ADGRE2: variants seen among roughly 807,000 people sequenced by gnomAD.
ADGRE2 encodes the protein CD97 antigen.
In ADGRE2, 83 loss-of-function variants were observed where a neutral mutation model predicts 100.8. The observed-to-expected ratio is 0.82, with a 90% CI of 0.69 to 0.99. The LOEUF (loss-of-function observed/expected upper bound fraction) is 0.99. ADGRE2 is among the 50% of genes least tolerant of loss of function. The pLI, the probability that ADGRE2 is intolerant of heterozygous loss-of-function variation, is 0.00. For synonymous variants in ADGRE2, 355 were observed against 413.0 expected (o/e 0.86, Z 1.70); for missense variants, 814 against 1,035.7 (o/e 0.79, Z 2.94).
In ADGRE2 at chr19:14,754,937, C is replaced by T. The variant is rs114395084; in HGVS notation, c.1590+17G>A. On this transcript the variant is annotated intron_variant, in intron 14 of 20. Transcript: ENST00000315576. The stretch of plus-strand genomic sequence containing the variant: ...ACGGCAATAAATGCAGAGTGCATCC[C>T]CTCCTAAGGGTCTCACCTGCACATC... 2 of 1,610,108 alleles carry T rather than the reference C, an allele frequency of 1.2e-6. No homozygotes were observed.
Position 14,752,534 on chromosome 19 carries a change from C to G in ADGRE2, c.1591-8G>C. On this transcript the variant is annotated splice_region_variant and splice_polypyrimidine_tract_variant and intron_variant, in intron 14 of 20. Coordinates refer to ENST00000315576, the MANE Select transcript of ADGRE2 (RefSeq NM_013447.4). ...CAGCACGGGATCCTCCTCCTGGGAC[C>G]CGGAAAAGAAGAGTTCACAGTGATG... The G allele has an allele frequency of 6.2e-7, 1 of 1,613,454 alleles. No homozygotes were observed. Among genetic ancestry groups the G allele is most frequent in the Non-Finnish European group, 8.5e-7 (1 of 1,179,708 alleles).
rs1240591644 is a variant in ADGRE2, at chr19:14,732,812, T to C, written c.*3424A>G. On this transcript the variant is annotated 3_prime_UTR_variant, in exon 21 of 21. Transcript: ENST00000315576. The stretch of plus-strand genomic sequence containing the variant: ...GTTCAAGTTCAGTGTCTGTAAAGTT[T>C]TATTAAAACATAGCCATGATCATTC... 1.3e-5 allele frequency: 2 copies of C among 152,258 alleles called. No individual in the cohort carries two copies. Among genetic ancestry groups the C allele is most frequent in the Admixed American group, 6.5e-5 (1 of 15,286 alleles). 9.4% of individuals were successfully genotyped at this position (152,258 alleles called of 1,614,324 possible).
chr19:14,758,141 C>T (rs1460582092), intron 11 of ADGRE2, among the ~76,000 whole-genome samples: 3 of 152,104 alleles, frequency 2.0e-5, no homozygotes, highest in African/African-American at 7.2e-5. Flanking sequence ...ACCAATTGCA[C>T]ATGCAACAAA....
chr19:14,729,177 T>C (rs933402169), downstream of ADGRE2, among the ~76,000 whole-genome samples: 1 of 152,100 alleles, frequency 6.6e-6, no homozygotes, highest in Non-Finnish European at 1.5e-5. Flanking sequence ...GACTGAACCT[T>C]TGAAGAGAAA....
intron 20 of ADGRE2, among the ~76,000 whole-genome samples, chr19:14,738,298 G>A (rs2042819313): frequency 6.6e-6 from 1 of 152,182 alleles, no homozygotes; most frequent in South Asian, 2.1e-4. Flanking sequence ...AGTCATAAAA[G>A]AAGCCAGGTG....
chr19:14,727,162 G>A, the ADGRE2 span, among the ~76,000 whole-genome samples: 2 of 151,448 alleles, frequency 1.3e-5, no homozygotes, highest in African/African-American at 4.9e-5. Flanking sequence ...TGAGCAGCTG[G>A]GACTACAGGT....
At chr19:14,755,295 A>G (rs992999747) in intron 13 of ADGRE2, among the ~76,000 whole-genome samples, 168 bp from the exon 14 acceptor site, 117 of 132,550 alleles carry the variant, frequency 8.8e-4, no homozygotes, top group African/African-American at 2.9e-3. Context: ...AAAAAAAAAA[A>G]TACAAAAATT....
At chr19:14,757,048 G>T (rs943083755) in intron 11 of ADGRE2, among the ~76,000 whole-genome samples, 1 of 151,908 alleles carries the variant, frequency 6.6e-6, no homozygotes, top group Admixed American at 6.6e-5. Context: ...CACTACAGGT[G>T]CTCACTACCA....
At chr19:14,749,268 G>A (rs1479484684) in intron 16 of ADGRE2, among the ~76,000 whole-genome samples, 4 of 143,628 alleles carry the variant, frequency 2.8e-5, no homozygotes, top group Admixed American at 7.1e-5. Flanking sequence ...AAGAATTAAG[G>A]AAGCATATAA....
In ADGRE2 at chr19:14,736,125, T is replaced by C; in HGVS notation, c.*111A>G. On this transcript the variant is annotated 3_prime_UTR_variant, in exon 21 of 21. Coordinates refer to ENST00000315576, the MANE Select transcript of ADGRE2 (RefSeq NM_013447.4). The stretch of plus-strand genomic sequence containing the variant: ...AACATCCTTCATATTGCTGACATGG[T>C]GAATTTCTTGAAACACACAGAACAA... 3 of 1,019,100 alleles carry C rather than the reference T, an allele frequency of 2.9e-6. No individual in the cohort carries two copies. Among genetic ancestry groups the C allele is most frequent in the Non-Finnish European group, 4.5e-6 (3 of 672,830 alleles). 63.1% of individuals were successfully genotyped at this position (1,019,100 alleles called of 1,614,324 possible). A position where few individuals can be genotyped will look rare whatever the true frequency, so the allele number is the denominator to read the frequency against.
chr19:14,750,548 G>A (rs1383214378), intron 16 of ADGRE2, among the ~76,000 whole-genome samples: 1 of 149,778 alleles, frequency 6.7e-6, no homozygotes, highest in Non-Finnish European at 1.5e-5. Flanking sequence ...TGTCCTGGAG[G>A]TTTCAACCAG....
At chr19:14,741,445 CA>C (rs1346763172) in intron 20 of ADGRE2, 1 of 149,496 alleles carries the variant, frequency 6.7e-6, no homozygotes, top group Non-Finnish European at 1.5e-5. Context: ...GCCTAAATCT[CA>C]CTGGCTGAAG....
In ADGRE2 at chr19:14,776,514, G is replaced by A. The variant is rs1213486273; in HGVS notation, c.31+212C>T. On this transcript the variant is annotated intron_variant, in intron 2 of 20. Transcript: ENST00000315576. ...CCCTCCGGGCAGGGTAGCAGGCTCCGAGAGCACCCTGGAGTTCCTGCCGGG... is the reference window on the plus strand; with the variant it reads ...CCCTCCGGGCAGGGTAGCAGGCTCCAAGAGCACCCTGGAGTTCCTGCCGGG... The A allele has an allele frequency of 2.8e-5, 17 of 607,940 alleles. No individual in the cohort carries two copies. In the East Asian group the frequency reaches 4.3e-4, roughly 15 times the overall value. The allele number at this position is 607,940 out of a possible 1,614,324, so 37.7% of individuals were successfully genotyped here.
intron 18 of ADGRE2, among the ~76,000 whole-genome samples, chr19:14,744,049 G>A (rs1427138480): frequency 2.6e-5 from 4 of 152,090 alleles, no homozygotes; most frequent in Non-Finnish European, 2.9e-5. Flanking sequence ...AGACCAGCCC[G>A]ACCAACATGG....
At chr19:14,743,325 TTGCC>T in intron 20 of ADGRE2, 91 bp downstream of exon 20, 1 of 941,376 alleles carries the variant, frequency 1.1e-6, no homozygotes, top group Non-Finnish European at 1.7e-6. Context: ...TTCTAGGGCA[TTGCC>T]TGCTGTATTC....
downstream of ADGRE2, chr19:14,731,194 G>A (rs571970639): frequency 5.1e-4 from 785 of 1,533,782 alleles, no homozygotes; most frequent in Non-Finnish European, 6.4e-4. Flanking sequence ...TAATTTGGAA[G>A]AATTTCCACA....
intron 4 of ADGRE2, 73 bp downstream of exon 4, chr19:14,773,865 T>A: frequency 7.3e-7 from 1 of 1,377,674 alleles, no homozygotes; most frequent in Non-Finnish European, 1.0e-6. Flanking sequence ...CACAACAACC[T>A]CTGTCCCCCA....
At chr19:14,729,881 C>A (rs1042758710), downstream of ADGRE2, among the ~76,000 whole-genome samples, 1 of 152,112 alleles carries the variant, frequency 6.6e-6, no homozygotes, top group African/African-American at 2.4e-5. Context: ...TTGATAAATA[C>A]ATCCAATTTT....
chr19:14,774,329 G>GAC (rs2044336656), intron 2 of ADGRE2, 23 bp from the exon 3 acceptor site: 1 of 1,486,582 alleles, frequency 6.7e-7, no homozygotes, highest in African/African-American at 1.4e-5. Context: ...AAGGAAAGGG[G>GAC]GTCAGAGGGG....
Sources: gnomAD v4.1 joint callset for allele counts (sites outside exome capture counted in the v4.1 genomes callset) on GRCh38, gnomAD v4.1.1 for gene constraint, MANE v1.5 for transcripts, NCBI Gene and HGNC (gene_info 2026-07-23, HGNC 2026-07-21) for gene names.